The following DACH1 variants were observed in gnomAD, a reference collection of about 807,000 sequenced individuals.
DACH1 encodes the protein dachshund homolog 1.
A neutral mutation model predicts 54.2 loss-of-function variants in DACH1; 12 were observed. The ratio of observed to expected loss-of-function variants is 0.22; its 90% CI spans 0.14 to 0.36. DACH1 has a LOEUF of 0.36. Among genes scored for constraint, DACH1 ranks in the 10% least tolerant of loss-of-function variants. DACH1 has a pLI of 1.00. For synonymous variants in DACH1, 386 were observed against 366.2 expected (o/e 1.05, Z -0.62); for missense variants, 805 against 929.8 (o/e 0.87, Z 1.75).
intron 1 of DACH1, among the ~76,000 whole-genome samples, chr13:71,698,025 T>C (rs1881918450): frequency 6.6e-6 from 1 of 152,112 alleles, no homozygotes. Context: ...ATTAAAAACA[T>C]TTTTAAGACA....
At chr13:71,842,334 G>A (rs185112443) in intron 1 of DACH1, among the ~76,000 whole-genome samples, 111 of 152,212 alleles carry the variant, frequency 7.3e-4, no homozygotes, top group Non-Finnish European at 1.3e-3. Flanking sequence ...CCCAGCACTG[G>A]GAAGCCAAAG....
At chr13:71,691,736 T>C (rs1881486874) in intron 1 of DACH1, among the ~76,000 whole-genome samples, 1 of 152,234 alleles carries the variant, frequency 6.6e-6, no homozygotes, top group Non-Finnish European at 1.5e-5. Context: ...AACATGTCCA[T>C]GTGCCTGACC....
chr13:71,729,361 CTTAT>C (rs1883635303), intron 1 of DACH1, among the ~76,000 whole-genome samples: 1 of 151,936 alleles, frequency 6.6e-6, no homozygotes, highest in South Asian at 2.1e-4. Flanking sequence ...TTAAGAGATA[CTTAT>C]TTAAAAAGTC....
intron 3 of DACH1, among the ~76,000 whole-genome samples, chr13:71,617,319 T>C (rs1875856681): frequency 6.6e-6 from 1 of 152,228 alleles, no homozygotes; most frequent in Non-Finnish European, 1.5e-5. Flanking sequence ...AATTTATTTC[T>C]TTTTTATTAA....
intron 10 of DACH1, among the ~76,000 whole-genome samples, chr13:71,473,773 G>A (rs140745483): frequency 6.6e-6 from 1 of 152,206 alleles, no homozygotes; most frequent in East Asian, 1.9e-4. Context: ...GGGCTCATGT[G>A]CTTTCTGAGA....
At chr13:71,728,779 A>C (rs925102412) in intron 1 of DACH1, among the ~76,000 whole-genome samples, 4 of 151,954 alleles carry the variant, frequency 2.6e-5, no homozygotes, top group Non-Finnish European at 5.9e-5. Flanking sequence ...TCTACATTTC[A>C]GTTTTCTCAG....
intron 3 of DACH1, among the ~76,000 whole-genome samples, chr13:71,621,445 C>T (rs1398281263): frequency 6.6e-6 from 1 of 151,990 alleles, no homozygotes; most frequent in African/African-American, 2.4e-5. Flanking sequence ...CTGAGAAGAT[C>T]CATATCTGTG....
intron 1 of DACH1, among the ~76,000 whole-genome samples, chr13:71,753,736 TC>T (rs1369622320): frequency 7.2e-5 from 11 of 152,198 alleles, no homozygotes; most frequent in South Asian, 2.1e-4. Context: ...TTCTCAATTA[TC>T]TGCAATGGTT....
intron 3 of DACH1, among the ~76,000 whole-genome samples, chr13:71,595,080 T>C (rs975168230): frequency 6.6e-6 from 1 of 152,094 alleles, no homozygotes; most frequent in African/African-American, 2.4e-5. Flanking sequence ...AATAAGAAGG[T>C]AGCATTCGAA....
chr13:71,762,115 G>A (rs1040114083), intron 1 of DACH1, among the ~76,000 whole-genome samples: 4 of 151,968 alleles, frequency 2.6e-5, no homozygotes, highest in South Asian at 2.1e-4. Context: ...ACTAAGACTC[G>A]GTGAGGTAAA....
intron 1 of DACH1, among the ~76,000 whole-genome samples, chr13:71,790,723 A>T (rs1409699821): frequency 1.3e-5 from 2 of 152,212 alleles, no homozygotes; most frequent in Non-Finnish European, 2.9e-5. Flanking sequence ...AACTAATGTT[A>T]GTAACTTCCA....
At chr13:71,615,438 G>C (rs185395586) in intron 3 of DACH1, among the ~76,000 whole-genome samples, 1 of 152,296 alleles carries the variant, frequency 6.6e-6, no homozygotes, top group East Asian at 1.9e-4. Context: ...TAGAGCTGGA[G>C]TACATATTTT....
intron 1 of DACH1, among the ~76,000 whole-genome samples, chr13:71,787,515 T>C (rs1886648383): frequency 6.6e-6 from 1 of 152,230 alleles, no homozygotes; most frequent in African/African-American, 2.4e-5. Context: ...TTATGAGCCT[T>C]CGCAAATCAT....
intron 7 of DACH1, among the ~76,000 whole-genome samples, chr13:71,487,761 C>T (rs1878656690): frequency 6.6e-6 from 1 of 152,048 alleles, no homozygotes; most frequent in Admixed American, 6.6e-5. Context: ...TGAATTATTC[C>T]TTTACTTTTC....
At chr13:71,592,824 T>A (rs1362996450) in intron 3 of DACH1, among the ~76,000 whole-genome samples, 1 of 152,188 alleles carries the variant, frequency 6.6e-6, no homozygotes, top group Non-Finnish European at 1.5e-5. Context: ...AAAGGTAAAG[T>A]ATTCATCTTC....
chr13:71,648,350 G>A (rs994502841), intron 2 of DACH1, among the ~76,000 whole-genome samples: 4 of 152,032 alleles, frequency 2.6e-5, no homozygotes, highest in Admixed American at 6.6e-5. Context: ...TAATGGTGCA[G>A]ACCAGTTTAG....
intron 3 of DACH1, among the ~76,000 whole-genome samples, chr13:71,585,779 G>T (rs2138445758): frequency 6.6e-6 from 1 of 152,198 alleles, no homozygotes; most frequent in Non-Finnish European, 1.5e-5. Context: ...ATAGTCAGAA[G>T]GAGGAGAAGA....
intron 2 of DACH1, among the ~76,000 whole-genome samples, chr13:71,653,058 A>G (rs1358305632): frequency 6.6e-6 from 1 of 152,176 alleles, no homozygotes; most frequent in Non-Finnish European, 1.5e-5. Context: ...ACTAAAACAC[A>G]CATTTGGTTA....
In DACH1 at chr13:71,652,033, C is replaced by T. The variant is rs61958960; in HGVS notation, c.965-21316G>A. ...GTTTCTCTGAATTCCTGAGGAACTA[C>T]TTAATTGGCATTTGTCATGCTAGAT... On this transcript the variant is annotated intron_variant, in intron 2 of 10. Transcript: ENST00000613252. Among the ~76,000 whole-genome samples, 1,246 of 152,218 alleles carry T rather than the reference C, an allele frequency of 8.2e-3. 11 individuals carry two copies. Among genetic ancestry groups the T allele is most frequent in the Middle Eastern group, 0.024 (7 of 294 alleles).
Sources: gnomAD v4.1 joint callset for allele counts (sites outside exome capture counted in the v4.1 genomes callset) on GRCh38, gnomAD v4.1.1 for gene constraint, MANE v1.5 for transcripts, NCBI Gene and HGNC (gene_info 2026-07-23, HGNC 2026-07-21) for gene names.